The following STK35 variants were observed in gnomAD, a reference collection of about 807,000 sequenced individuals.
The protein encoded by STK35 is serine/threonine kinase 35.
A neutral mutation model predicts 37.3 loss-of-function variants in STK35; 17 were observed. The ratio of observed to expected loss-of-function variants is 0.46; its 90% confidence interval spans 0.31 to 0.68. The LOEUF is 0.68. Among genes scored for constraint, STK35 ranks in the 30% least tolerant of loss-of-function variants. STK35 has a pLI of 0.05. For synonymous variants in STK35, 385 were observed against 319.1 expected (o/e 1.21, Z -2.20); for missense variants, 595 against 746.7 (o/e 0.80, Z 2.37).
At chr20:2,112,192 A>G (rs1453313994) in intron 2 of STK35, among the ~76,000 whole-genome samples, 2 of 152,236 alleles carry the variant, frequency 1.3e-5, no homozygotes, top group African/African-American at 2.4e-5. Context: ...ATTTCTTTAC[A>G]GGAAGTGCCT....
At chr20:2,138,504 G>C (rs1220163007) in intron 3 of STK35, among the ~76,000 whole-genome samples, 1 of 152,180 alleles carries the variant, frequency 6.6e-6, no homozygotes, top group Non-Finnish European at 1.5e-5. Flanking sequence ...GATCATGGAA[G>C]TAGCTAGTAA....
intron 3 of STK35, among the ~76,000 whole-genome samples, chr20:2,119,501 G>T (rs745914545): frequency 2.6e-5 from 4 of 152,260 alleles, no homozygotes; most frequent in Non-Finnish European, 2.9e-5. Context: ...TGATGTGTGT[G>T]TAAGAGAAAT....
At position 2,102,151 on chromosome 20, in the gene STK35, C is replaced by T. The variant is rs1457629568; in HGVS notation, c.270C>T (p.Ala90=). The change falls in exon 1 of 4, where the codon GCC becomes GCT. Residue 90 remains alanine, a synonymous_variant. Transcript: ENST00000381482. ...GGGCTCCAGGGGGGAAACGGGCCGC[C>T]CGGAAGTGGAGGTGCGCGGGCCAGG... The part of the protein sequence containing the change: ...QAGAPGGKRA[A]RKWRCAGQVT... 1 of 1,370,996 alleles carries T rather than the reference C, an allele frequency of 7.3e-7. No individual in the cohort carries two copies. The highest frequency in any genetic ancestry group is 9.4e-7 in the Non-Finnish European group (1 of 1,060,704). 84.9% of individuals were successfully genotyped at this position (1,370,996 alleles called of 1,614,324 possible). A position where few individuals can be genotyped will look rare whatever the true frequency, so the allele number is the denominator to read the frequency against.
At chr20:2,129,715 T>C (rs1272296604) in intron 3 of STK35, among the ~76,000 whole-genome samples, 1 of 151,748 alleles carries the variant, frequency 6.6e-6, no homozygotes, top group Non-Finnish European at 1.5e-5. Flanking sequence ...ATGAAGAAAA[T>C]AGCAGAAAAT....
At chr20:2,122,000 T>C (rs1225828628) in intron 3 of STK35, among the ~76,000 whole-genome samples, 1 of 152,168 alleles carries the variant, frequency 6.6e-6, no homozygotes, top group Non-Finnish European at 1.5e-5. Context: ...CCAAAGAGCT[T>C]TTGTTTTGGG....
At chr20:2,111,639 G>A (rs1012580221) in intron 2 of STK35, among the ~76,000 whole-genome samples, 2 of 152,200 alleles carry the variant, frequency 1.3e-5, no homozygotes, top group Admixed American at 6.5e-5. Context: ...GAAGGTAGAG[G>A]CAGCAGTGAG....
intron 3 of STK35, among the ~76,000 whole-genome samples, chr20:2,131,577 A>G (rs1399420169): frequency 6.6e-6 from 1 of 152,178 alleles, no homozygotes; most frequent in African/African-American, 2.4e-5. Context: ...GTGAGTAATG[A>G]GTCAGTGTGA....
At position 2,117,493 on chromosome 20, in the gene STK35, C is replaced by T. The variant is rs1985737212; in HGVS notation, c.*37+78C>T. The T allele has an allele frequency of 3.3e-5, 26 of 785,000 alleles. No homozygotes were observed. Among genetic ancestry groups the T allele is most frequent in the East Asian group, 1.4e-4 (5 of 36,754 alleles). The allele number at this position is 785,000 out of a possible 1,614,324, so 48.6% of individuals were successfully genotyped here. A position where few individuals can be genotyped will look rare whatever the true frequency, so the allele number is the denominator to read the frequency against. Reference sequence around the variant, plus strand: ...CTCTGTTGGTCAGGCTGGGGTGCAGCGGGTGCAGTGGCAGGATCTCAGCTC... The same window carrying T: ...CTCTGTTGGTCAGGCTGGGGTGCAGTGGGTGCAGTGGCAGGATCTCAGCTC... On this transcript the variant is annotated intron_variant, in intron 3 of 3. Coordinates refer to ENST00000381482, the MANE Select transcript of STK35 (RefSeq NM_080836.4). This position sits in a 1 kb window ranked among gnomAD's most constrained non-coding sequence, Gnocchi z 4.4.
rs139458128 is a variant in STK35 at position 2,146,386 on chromosome 20, C to T, written c.*2640C>T. The T allele has an allele frequency of 6.5e-6, 1 of 153,082 alleles. No homozygotes were observed. The highest frequency in any genetic ancestry group is 1.9e-4 in the East Asian group (1 of 5,218). 9.5% of individuals were successfully genotyped at this position (153,082 alleles called of 1,614,324 possible). The stretch of plus-strand genomic sequence containing the variant: ...CCAGCAGCTCTCTGGTGCATCGTCT[C>T]AACACCACCAAGTTTGTAGGACCTG... On this transcript the variant is annotated 3_prime_UTR_variant, in exon 4 of 4. Coordinates refer to ENST00000381482, the MANE Select transcript of STK35 (RefSeq NM_080836.4).
intron 3 of STK35, among the ~76,000 whole-genome samples, chr20:2,140,511 G>A (rs1187317634): frequency 2.0e-5 from 3 of 152,176 alleles, no homozygotes; most frequent in South Asian, 2.1e-4. Flanking sequence ...CACTACCTTC[G>A]GTGAGCTTAC....
Position 2,102,930 on chromosome 20 carries a change from C to A in STK35, c.457C>A (p.Arg153=). 6.5e-7 allele frequency: 1 copy of A among 1,538,390 alleles called. No individual in the cohort carries two copies. Among genetic ancestry groups the A allele is most frequent in the Non-Finnish European group, 8.7e-7 (1 of 1,151,040 alleles). ...TACACAAAGCCCGGAGCGGAAAAGG[C>A]GAAGCCCAGTGCCGCGGGCGCCCAG... ...RGTQSPERKR[R]SPVPRAPSTK... The change falls in exon 2 of 4, where the codon CGA becomes AGA. Residue 153 remains arginine, a synonymous_variant. Transcript: ENST00000381482.
chr20:2,101,914 G>C lies in STK35; in HGVS notation c.33G>C (p.Ala11=). 1.4e-6 allele frequency: 2 copies of C among 1,463,292 alleles called. 1 individual carries two copies. Among genetic ancestry groups the C allele is most frequent in the South Asian group, 2.6e-5 (2 of 77,512 alleles). The allele number at this position is 1,463,292 out of a possible 1,614,324, so 90.6% of individuals were successfully genotyped here. A position where few individuals can be genotyped will look rare whatever the true frequency, so the allele number is the denominator to read the frequency against. ...ACCAGGAGTCTCCGCTGGCCCGGGC[G>C]CCGGCGGGAGGTGCAGCTTATGTAA... MGHQESPLAR[A]PAGGAAYVKR... The change falls in exon 1 of 4, where the codon GCG becomes GCC. Residue 11 remains alanine (A), a synonymous_variant. Transcript: ENST00000381482.
At chr20:2,107,843 G>A (rs923559110) in intron 2 of STK35, among the ~76,000 whole-genome samples, 2 of 152,218 alleles carry the variant, frequency 1.3e-5, no homozygotes, top group African/African-American at 4.8e-5. Context: ...TCAAGAGGCA[G>A]AGAGCTGGCT....
intron 3 of STK35, among the ~76,000 whole-genome samples, chr20:2,138,138 G>A (rs1178388093): frequency 6.6e-6 from 1 of 152,180 alleles, no homozygotes; most frequent in African/African-American, 2.4e-5. Context: ...ACAGGACTGC[G>A]GGTGAATTTA....
intron 3 of STK35, among the ~76,000 whole-genome samples, chr20:2,134,028 A>C (rs147464483): frequency 6.6e-6 from 1 of 152,158 alleles, no homozygotes; most frequent in African/African-American, 2.4e-5. Context: ...TCCTTGTATA[A>C]GTGGGGCGTG....
intron 3 of STK35, among the ~76,000 whole-genome samples, chr20:2,120,756 G>A (rs906260246): frequency 6.6e-6 from 1 of 152,228 alleles, no homozygotes; most frequent in Non-Finnish European, 1.5e-5. Flanking sequence ...AAACAGACAA[G>A]TTTTTGCAGT....
At chr20:2,107,811 CAG>C (rs1985544974) in intron 2 of STK35, among the ~76,000 whole-genome samples, 1 of 152,170 alleles carries the variant, frequency 6.6e-6, no homozygotes, top group Non-Finnish European at 1.5e-5. Flanking sequence ...GCTTGGGTCT[CAG>C]AGTTTAGAGA....
chr20:2,130,387 A>G (rs1985978806), intron 3 of STK35, among the ~76,000 whole-genome samples: 1 of 152,112 alleles, frequency 6.6e-6, no homozygotes, highest in South Asian at 2.1e-4. Context: ...TCAGCTTCTC[A>G]TTAGGTTATG....
rs1051764963 is a variant in STK35 at position 2,145,833 on chromosome 20, A to G, written c.*2087A>G. 2 of 151,874 alleles carry G rather than the reference A, an allele frequency of 1.3e-5. No homozygotes were observed. Among genetic ancestry groups the G allele is most frequent in the Non-Finnish European group, 2.9e-5 (2 of 68,006 alleles). 9.4% of individuals were successfully genotyped at this position (151,874 alleles called of 1,614,324 possible). On this transcript the variant is annotated 3_prime_UTR_variant, in exon 4 of 4. Transcript: ENST00000381482. ...AGCAAATGGGCAAAAACAGTCCCCA[A>G]ACCCAGCACCCCCCTCTCCCTGGCT...
Sources: gnomAD v4.1 joint callset for allele counts (sites outside exome capture counted in the v4.1 genomes callset) on GRCh38, gnomAD v4.1.1 for gene constraint, Gnocchi (gnomAD v3.1) non-coding constraint, MANE v1.5 for transcripts, NCBI Gene and HGNC (gene_info 2026-07-23, HGNC 2026-07-21) for gene names.